STPG2: variants seen among roughly 807,000 people sequenced by gnomAD.
STPG2 encodes the protein sperm tail PG-rich repeat containing 2.
A neutral mutation model predicts 54.2 loss-of-function variants in STPG2; 56 were observed. The ratio of observed to expected loss-of-function variants is 1.03; its 90% CI spans 0.83 to 1.29. STPG2 has a LOEUF of 1.29. Among genes scored for constraint, STPG2 ranks in the 50% most tolerant of loss-of-function variants. The probability of loss-of-function intolerance (pLI) is 0.00; values close to 1 mark genes in which losing one functional copy is unlikely to be tolerated. For missense variants in STPG2, 596 were observed against 544.9 expected (o/e 1.09, Z -0.93); for synonymous variants, 200 against 181.8 (o/e 1.10, Z -0.81).
At chr4:97,550,197 C>A (rs559809906) in intron 4 of STPG2, among the ~76,000 whole-genome samples, 1 of 152,164 alleles carries the variant, frequency 6.6e-6, no homozygotes, top group Non-Finnish European at 1.5e-5. Flanking sequence ...GTATTTTTAA[C>A]TATGAAGTGC....
chr4:97,498,718 G>A lies in STPG2; in HGVS notation c.462+213981C>T, dbSNP rs528215133. ...AAATACAACAATAGCATGGATTGTCGATTTATTTTTAACTATTGCTTCATT... is the reference window on the plus strand; with the variant it reads ...AAATACAACAATAGCATGGATTGTCAATTTATTTTTAACTATTGCTTCATT... On this transcript the variant is annotated intron_variant, in intron 4 of 4. Transcript: ENST00000522676. Among the ~76,000 whole-genome samples the A allele has an allele frequency of 2.0e-5, 3 of 151,354 alleles. No homozygotes were observed. The South Asian group carries it at 6.3e-4, about 32-fold the overall frequency.
chr4:97,950,699 G>C (rs1733431494), intron 7 of STPG2, among the ~76,000 whole-genome samples: 1 of 152,102 alleles, frequency 6.6e-6, no homozygotes, highest in African/African-American at 2.4e-5. Flanking sequence ...TCTTTCTTCT[G>C]ACCTCCACGC....
intron 9 of STPG2, among the ~76,000 whole-genome samples, chr4:97,796,929 T>G (rs1372449985): frequency 6.6e-6 from 1 of 152,160 alleles, no homozygotes; most frequent in East Asian, 1.9e-4. Flanking sequence ...TAAGTTGGAT[T>G]CCTAGGTATT....
At chr4:98,006,475 C>A (rs1398498064) in intron 5 of STPG2, among the ~76,000 whole-genome samples, 1 of 152,182 alleles carries the variant, frequency 6.6e-6, no homozygotes, top group Admixed American at 6.5e-5. Context: ...AGGAGGAAAT[C>A]ATTCTCAATC....
At chr4:97,580,304 A>C (rs944238859) in intron 10 of STPG2, among the ~76,000 whole-genome samples, 1 of 152,006 alleles carries the variant, frequency 6.6e-6, no homozygotes, top group South Asian at 2.1e-4. Context: ...TTTATATAAT[A>C]CAAGTTATAA....
At chr4:98,027,306 A>G (rs1736454448) in intron 5 of STPG2, among the ~76,000 whole-genome samples, 1 of 152,148 alleles carries the variant, frequency 6.6e-6, no homozygotes, top group Non-Finnish European at 1.5e-5. Context: ...ATATAATTCT[A>G]CCACAGTAAG....
At position 97,619,524 on chromosome 4, in the gene STPG2, G is replaced by GTTT. The variant is rs5860507; in HGVS notation, c.1321-60410_1321-60408dup. Among the ~76,000 whole-genome samples, 453 of 142,408 alleles carry GTTT rather than the reference G, an allele frequency of 3.2e-3. 2 individuals are homozygous for GTTT. The highest frequency in any genetic ancestry group is 0.011 in the African/African-American group (421 of 38,594). 93.4% of individuals were successfully genotyped at this position (142,408 alleles called of 152,430 possible). ...GATAATATTTTGACATGATTCCAGT[G>GTTT]TTTTTTTTTTTTTTCTCACCTCTGG... On this transcript the variant is annotated intron_variant, in intron 10 of 10. Transcript: ENST00000295268.
intron 3 of STPG2, among the ~76,000 whole-genome samples, chr4:98,118,064 A>C (rs1222111991): frequency 6.6e-6 from 1 of 152,090 alleles, no homozygotes; most frequent in Non-Finnish European, 1.5e-5. Flanking sequence ...TCCTACCCTG[A>C]GGGTTTGTTT....
chr4:97,530,741 AG>A (rs1560646386), intron 4 of STPG2, among the ~76,000 whole-genome samples: 1 of 152,202 alleles, frequency 6.6e-6, no homozygotes, highest in Non-Finnish European at 1.5e-5. Context: ...ACAGGTATTG[AG>A]AAGGGTCAGA....
At chr4:97,563,175 GTGTA>G (rs1732309701) in intron 10 of STPG2, among the ~76,000 whole-genome samples, 1 of 152,136 alleles carries the variant, frequency 6.6e-6, no homozygotes, top group Admixed American at 6.5e-5. Context: ...TCTTGGGAGG[GTGTA>G]TGTGTCAAGG....
chr4:97,501,112 A>G (rs2148833430), intron 4 of STPG2, among the ~76,000 whole-genome samples: 1 of 152,184 alleles, frequency 6.6e-6, no homozygotes, highest in East Asian at 1.9e-4. Context: ...TCACAACTAG[A>G]GAGACTGTGG....
chr4:97,577,067 T>C (rs2148887915), intron 10 of STPG2, among the ~76,000 whole-genome samples: 1 of 152,226 alleles, frequency 6.6e-6, no homozygotes, highest in East Asian at 1.9e-4. Flanking sequence ...TCAGAATGGC[T>C]ATTACTAAAA....
intron 4 of STPG2, among the ~76,000 whole-genome samples, chr4:97,497,883 TATTA>T (rs774488892): frequency 1.6e-4 from 24 of 151,902 alleles, no homozygotes; most frequent in Non-Finnish European, 2.9e-4. Context: ...CTAGGTTTTC[TATTA>T]TTTATTCCAT....
chr4:97,511,847 A>T (rs555190391), intron 4 of STPG2, among the ~76,000 whole-genome samples: 1 of 152,192 alleles, frequency 6.6e-6, no homozygotes, highest in East Asian at 1.9e-4. Context: ...TTGCAAGAAA[A>T]AAAGGAAGAA....
rs538319904 is a variant in STPG2, at chr4:98,021,978, C to T, written c.613-40660G>A. Among the ~76,000 whole-genome samples, 637 of 151,638 alleles carry T rather than the reference C, an allele frequency of 4.2e-3. 4 individuals carry two copies. The highest frequency in any genetic ancestry group is 0.024 in the South Asian group (116 of 4,788). ...GGTCTTGACTCTTTATCCAATTTGC[C>T]AGTCTGTGTCTTTTAATTGGAGCAT... is the stretch of plus-strand genomic sequence containing the variant. On this transcript the variant is annotated intron_variant, in intron 5 of 10. Transcript: ENST00000295268.
intron 4 of STPG2, among the ~76,000 whole-genome samples, chr4:97,498,602 G>C (rs930652440): frequency 6.6e-6 from 1 of 150,554 alleles, no homozygotes; most frequent in African/African-American, 2.4e-5. Flanking sequence ...CAGCTGGAAA[G>C]GTAAAAAGCA....
chr4:98,054,850 T>C (rs1737432933), intron 5 of STPG2, among the ~76,000 whole-genome samples: 2 of 152,306 alleles, frequency 1.3e-5, no homozygotes, highest in East Asian at 3.9e-4. Flanking sequence ...TTTTTTATTA[T>C]AATTTTGAGC....
chr4:97,682,730 A>G (rs1372973844), intron 10 of STPG2, among the ~76,000 whole-genome samples: 2 of 151,874 alleles, frequency 1.3e-5, no homozygotes, highest in Non-Finnish European at 3.0e-5. Flanking sequence ...AAACAGAGCC[A>G]TATAAACCTT....
At chr4:98,137,352 G>A (rs1740162069) in intron 1 of STPG2, among the ~76,000 whole-genome samples, 2 of 151,266 alleles carry the variant, frequency 1.3e-5, no homozygotes, top group East Asian at 1.9e-4. Flanking sequence ...GTGTTTAACT[G>A]TAGGGCAGAA....
Sources: allele counts gnomAD v4.1 joint callset (sites outside exome capture counted in the v4.1 genomes callset), GRCh38; gene constraint gnomAD v4.1.1; transcripts MANE v1.5; gene names NCBI Gene and HGNC (gene_info 2026-07-23, HGNC 2026-07-21).